Variants in CD4 observed in about 807,000 individuals in gnomAD.
CD4 encodes CD4 molecule.
A neutral mutation model predicts 50.5 loss-of-function variants in CD4; 25 were observed. The observed-to-expected ratio is 0.49, with a 90% CI of 0.36 to 0.69. The LOEUF (loss-of-function observed/expected upper bound fraction) is 0.69, where lower values mean the gene tolerates loss of function less well. CD4 is among the 30% of genes least tolerant of loss of function. The probability of loss-of-function intolerance (pLI) is 0.00; values close to 1 mark genes in which losing one functional copy is unlikely to be tolerated. For synonymous variants in CD4, 207 were observed against 221.9 expected (o/e 0.93, Z 0.60); for missense variants, 456 against 548.5 (o/e 0.83, Z 1.68).
At position 6,810,567 on chromosome 12, in the gene CD4, C is replaced by T. The variant is rs1040960801; in HGVS notation, c.215-3575C>T. 3.9e-5 allele frequency among the ~76,000 whole-genome samples: 6 copies of T among 152,166 alleles called. No homozygotes were observed. In the East Asian group the frequency reaches 5.8e-4, roughly 15 times the overall value. ...GTGGAATTTAGAATGTCTGTAGAAA[C>T]GGGGAAGAGAACCAAAGACAGAGTC... is the stretch of plus-strand genomic sequence containing the variant. On this transcript the variant is annotated intron_variant, in intron 3 of 9. Transcript: ENST00000011653.
chr12:6,807,073 A>G (rs1021656967), intron 3 of CD4, among the ~76,000 whole-genome samples: 4 of 152,140 alleles, frequency 2.6e-5, no homozygotes, highest in Non-Finnish European at 5.9e-5. Context: ...AGGCTGAGGC[A>G]GGAGAATGGT....
chr12:6,811,491 C>CTTTTTTTTTTTTT (rs11318741), intron 3 of CD4, among the ~76,000 whole-genome samples: 7 of 111,024 alleles, frequency 6.3e-5, no homozygotes, highest in Non-Finnish European at 1.0e-4. Flanking sequence ...TTTTCTTTTT[C>CTTTTTTTTTTTTT]TTTTTTTTTT....
chr12:6,804,144 A>C (rs201410951), intron 3 of CD4, among the ~76,000 whole-genome samples: 1 of 118,376 alleles, frequency 8.4e-6, no homozygotes, highest in East Asian at 2.4e-4. Context: ...ATAAATAAAT[A>C]AATAAATAAA....
chr12:6,818,691 G>C lies in CD4; in HGVS notation c.1278+149G>C, dbSNP rs1318587337. 1.6e-6 allele frequency: 2 copies of C among 1,215,842 alleles called. No homozygotes were observed. Among genetic ancestry groups the C allele is most frequent in the African/African-American group, 3.0e-5 (2 of 66,794 alleles). 75.3% of individuals were successfully genotyped at this position (1,215,842 alleles called of 1,614,324 possible). A position where few individuals can be genotyped will look rare whatever the true frequency, so the allele number is the denominator to read the frequency against. On this transcript the variant is annotated intron_variant, in intron 8 of 9. Transcript: ENST00000011653. This position sits in a 1 kb window ranked among gnomAD's most constrained non-coding sequence, Gnocchi z 5.0. ...GCCCTGTCCCAGATCCCACTCAAGG[G>C]AGAGACAGGAAGGAGCAGAGAGTTA...
intron 3 of CD4, among the ~76,000 whole-genome samples, chr12:6,805,964 A>C (rs1312447647): frequency 3.9e-5 from 6 of 151,980 alleles, no homozygotes; most frequent in East Asian, 3.9e-4. Context: ...AAAAACAAAA[A>C]CAAAACCAAA....
chr12:6,803,807 T>A (rs1218851180), intron 3 of CD4, among the ~76,000 whole-genome samples: 1 of 140,950 alleles, frequency 7.1e-6, no homozygotes, highest in African/African-American at 2.7e-5. Flanking sequence ...AATAAATAAA[T>A]AAAATATAAA....
intron 1 of CD4, among the ~76,000 whole-genome samples, chr12:6,793,440 G>C (rs1314542212): frequency 6.6e-6 from 1 of 152,020 alleles, no homozygotes; most frequent in African/African-American, 2.4e-5. Context: ...CTGGGATGGG[G>C]GACAGTGGGA....
chr12:6,815,046 C>A, intron 5 of CD4, 54 bp downstream of exon 5: 1 of 1,240,100 alleles, frequency 8.1e-7, no homozygotes, highest in Non-Finnish European at 1.2e-6. Context: ...GGCTGACAGC[C>A]CCTCCCTCTG....
intron 3 of CD4, among the ~76,000 whole-genome samples, chr12:6,813,245 T>C (rs1942991263): frequency 6.7e-6 from 1 of 149,304 alleles, no homozygotes; most frequent in Non-Finnish European, 1.5e-5. Flanking sequence ...TTTTTAGAGA[T>C]GGGGTTTCGC....
rs1030739333 is a variant in CD4 at position 6,819,526 on chromosome 12, A to T, written c.*197A>T. The T allele has an allele frequency of 4.9e-6, 3 of 611,664 alleles. No homozygotes were observed. The highest frequency in any genetic ancestry group is 3.8e-5 in the South Asian group (2 of 52,216). The allele number at this position is 611,664 out of a possible 1,614,324, so 37.9% of individuals were successfully genotyped here. On this transcript the variant is annotated 3_prime_UTR_variant, in exon 10 of 10. Coordinates refer to ENST00000011653, the MANE Select transcript of CD4 (RefSeq NM_000616.5). Reference sequence around the variant, plus strand: ...TTGCTCTCTAGTTTCCAGAGGCTTAATCACACCGTCCTCCACGCCATTTCC... The same window carrying T: ...TTGCTCTCTAGTTTCCAGAGGCTTATTCACACCGTCCTCCACGCCATTTCC...
At chr12:6,812,197 C>T (rs1489279480) in intron 3 of CD4, among the ~76,000 whole-genome samples, 6 of 151,920 alleles carry the variant, frequency 3.9e-5, no homozygotes, top group African/African-American at 7.3e-5. Flanking sequence ...GTCAGGAGTT[C>T]GAGATCAGCC....
chr12:6,793,936 G>A (rs542177962), intron 1 of CD4, among the ~76,000 whole-genome samples: 39 of 141,868 alleles, frequency 2.7e-4, no homozygotes, highest in Non-Finnish European at 5.1e-4. Context: ...ATAGGTATGA[G>A]CCACCACACA....
chr12:6,809,758 G>T (rs1304896900), intron 3 of CD4, among the ~76,000 whole-genome samples: 2 of 152,226 alleles, frequency 1.3e-5, no homozygotes, highest in Non-Finnish European at 1.5e-5. Context: ...CAGCGCCACT[G>T]CTCAGTTTCC....
chr12:6,793,155 A>G (rs1395579087), intron 1 of CD4, among the ~76,000 whole-genome samples: 1 of 152,132 alleles, frequency 6.6e-6, no homozygotes, highest in African/African-American at 2.4e-5. Context: ...CAAAGCAAGC[A>G]TGCTGGAAAC....
chr12:6,801,516 C>CAA (rs200977719), intron 3 of CD4, among the ~76,000 whole-genome samples: 1,219 of 120,180 alleles, frequency 0.01, 11 homozygotes, highest in South Asian at 0.034. Flanking sequence ...GACTTCATCT[C>CAA]AAAAAAAAAA....
Position 6,818,607 on chromosome 12 carries a change from C to T in CD4, c.1278+65C>T. 6.3e-7 allele frequency: 1 copy of T among 1,597,968 alleles called. No homozygotes were observed. The highest frequency in any genetic ancestry group is 8.5e-7 in the Non-Finnish European group (1 of 1,169,982). ...CCCCTGAGTCCTCTACCAGGAGATCCTGTATATGGGAACTGATTTTGGCCC... is the reference window on the plus strand; with the variant it reads ...CCCCTGAGTCCTCTACCAGGAGATCTTGTATATGGGAACTGATTTTGGCCC... On this transcript the variant is annotated intron_variant, in intron 8 of 9. Coordinates refer to ENST00000011653, the MANE Select transcript of CD4 (RefSeq NM_000616.5). This position sits in a 1 kb window ranked among gnomAD's most constrained non-coding sequence, Gnocchi z 5.0.
At chr12:6,790,375 T>C (rs1427468320) in intron 1 of CD4, among the ~76,000 whole-genome samples, 1 of 152,228 alleles carries the variant, frequency 6.6e-6, no homozygotes, top group Non-Finnish European at 1.5e-5. Flanking sequence ...TTGAACAATG[T>C]CTAAAGGCAC....
At chr12:6,807,088 A>G (rs1555116299) in intron 3 of CD4, among the ~76,000 whole-genome samples, 1 of 151,898 alleles carries the variant, frequency 6.6e-6, no homozygotes, top group Admixed American at 6.6e-5. Flanking sequence ...AATGGTGTGA[A>G]CCCGGGAGGC....
intron 3 of CD4, among the ~76,000 whole-genome samples, chr12:6,804,650 A>G (rs1942670342): frequency 6.6e-6 from 1 of 152,182 alleles, no homozygotes; most frequent in African/African-American, 2.4e-5. Context: ...AGGTGGGAAG[A>G]TTGCTTAAGC....
Sources: allele counts gnomAD v4.1 joint callset (sites outside exome capture counted in the v4.1 genomes callset), GRCh38; gene constraint gnomAD v4.1.1; non-coding constraint Gnocchi (gnomAD v3.1); transcripts MANE v1.5; gene names NCBI Gene and HGNC (gene_info 2026-07-23, HGNC 2026-07-21).